Variants in MOSMO observed in about 807,000 individuals in gnomAD.
The protein encoded by MOSMO is modulator of smoothened, also known as modulator of smoothened protein.
A neutral mutation model predicts 18.4 loss-of-function variants in MOSMO; 5 were observed. That is an observed-to-expected ratio of 0.27 (90% CI 0.14 to 0.57). The LOEUF is 0.57. Among genes scored for constraint, MOSMO ranks in the 20% least tolerant of loss-of-function variants. The pLI is 0.92. For synonymous variants in MOSMO, 82 were observed against 82.3 expected (o/e 1.00, Z 0.02); for missense variants, 138 against 211.8 (o/e 0.65, Z 2.16).
chr16:22,031,329 TAATGA>T, intron 1 of MOSMO, among the ~76,000 whole-genome samples: 1 of 152,228 alleles, frequency 6.6e-6, no homozygotes. Context: ...TGAAGAGCTA[TAATGA>T]AATATAATTC....
intron 1 of MOSMO, among the ~76,000 whole-genome samples, chr16:22,072,302 T>TC (rs1242458387): frequency 6.6e-6 from 1 of 152,060 alleles, no homozygotes; most frequent in East Asian, 1.9e-4. Context: ...CCTTGCAAAT[T>TC]CCCCCAGTCA....
At chr16:22,016,371 C>T (rs1899637026) in intron 1 of MOSMO, among the ~76,000 whole-genome samples, 1 of 152,132 alleles carries the variant, frequency 6.6e-6, no homozygotes, top group Non-Finnish European at 1.5e-5. Flanking sequence ...CTCAAAACAT[C>T]TGGATTTTTA....
At chr16:22,062,042 C>T (rs1900654604) in intron 1 of MOSMO, among the ~76,000 whole-genome samples, 1 of 152,184 alleles carries the variant, frequency 6.6e-6, no homozygotes, top group Non-Finnish European at 1.5e-5. Context: ...ATTGAGGCAT[C>T]ACACTGATGG....
At chr16:22,017,968 T>C (rs920278153) in intron 1 of MOSMO, among the ~76,000 whole-genome samples, 12 of 152,188 alleles carry the variant, frequency 7.9e-5, no homozygotes, top group African/African-American at 2.9e-4. Flanking sequence ...ATGTATAGTT[T>C]GCTTAAGGGA....
chr16:22,044,415 C>T (rs1288789123), intron 1 of MOSMO, among the ~76,000 whole-genome samples: 1 of 152,184 alleles, frequency 6.6e-6, no homozygotes, highest in Non-Finnish European at 1.5e-5. Flanking sequence ...ATTTAATCTT[C>T]CTAAGAATCC....
intron 1 of MOSMO, among the ~76,000 whole-genome samples, chr16:22,019,127 A>C (rs1899701432): frequency 6.6e-6 from 1 of 152,136 alleles, no homozygotes; most frequent in African/African-American, 2.4e-5. Flanking sequence ...GCTCTTAACT[A>C]TTGCATGTGC....
chr16:22,042,219 C>T (rs912600082), intron 1 of MOSMO, among the ~76,000 whole-genome samples: 10 of 152,124 alleles, frequency 6.6e-5, no homozygotes, highest in Non-Finnish European at 1.2e-4. Context: ...CTGCAACAGT[C>T]AACAAAGGAT....
intron 2 of MOSMO, among the ~76,000 whole-genome samples, chr16:22,077,473 C>T (rs531918848): frequency 3.0e-4 from 46 of 152,206 alleles, no homozygotes; most frequent in Non-Finnish European, 5.9e-4. Flanking sequence ...ATATTTGGCC[C>T]TGTCACCCAG....
At chr16:22,039,642 G>A in intron 1 of MOSMO, among the ~76,000 whole-genome samples, 1 of 152,126 alleles carries the variant, frequency 6.6e-6, no homozygotes, top group Admixed American at 6.5e-5. Flanking sequence ...GACCAGCCTG[G>A]CCAACATAAT....
intron 1 of MOSMO, among the ~76,000 whole-genome samples, chr16:22,033,597 C>G (rs1463185070): frequency 6.6e-6 from 1 of 151,974 alleles, no homozygotes; most frequent in Non-Finnish European, 1.5e-5. Flanking sequence ...GCGGGCAGAT[C>G]ACGAGGTCAG....
rs903830252 is a variant in MOSMO, at chr16:22,081,816, A to T, written c.*936A>T. ...TTCAGTTTACCTCATTCTTTGTAGC[A>T]GCCCTTGATTTTAACAGGTTTTTGT... On this transcript the variant is annotated 3_prime_UTR_variant, in exon 3 of 3. Coordinates refer to ENST00000542527, the MANE Select transcript of MOSMO (RefSeq NM_001164579.2). 2.6e-5 allele frequency: 4 copies of T among 152,104 alleles called. No individual in the cohort carries two copies. Among genetic ancestry groups the T allele is most frequent in the Non-Finnish European group, 5.9e-5 (4 of 68,028 alleles). 9.4% of individuals were successfully genotyped at this position (152,104 alleles called of 1,614,324 possible).
rs998629469 is a variant in MOSMO, at chr16:22,028,083, T to A, written c.106+19676T>A. Among the ~76,000 whole-genome samples the A allele has an allele frequency of 3.3e-5, 5 of 152,208 alleles. No homozygotes were observed. The South Asian group carries it at 6.2e-4, about 19-fold the overall frequency. On this transcript the variant is annotated intron_variant, in intron 1 of 2. Transcript: ENST00000542527. Reference sequence around the variant, plus strand: ...CCATTTTGAAAAGATGTATGTCTTTTATCCAGAAGATGTAAAGTATATAGG... The same window carrying A: ...CCATTTTGAAAAGATGTATGTCTTTAATCCAGAAGATGTAAAGTATATAGG...
At position 22,083,673 on chromosome 16, in the gene MOSMO, T is replaced by C. The variant is rs758060311; in HGVS notation, c.*2793T>C. 1 of 454,280 alleles carries C rather than the reference T, an allele frequency of 2.2e-6. No homozygotes were observed. The highest frequency in any genetic ancestry group is 1.6e-5 in the South Asian group (1 of 63,742). 28.1% of individuals were successfully genotyped at this position (454,280 alleles called of 1,614,324 possible). ...AAACTTTTGTCTGTTTCATTGTTTT[T>C]AGAGTGTGTGCATTCTTCTCATACC... On this transcript the variant is annotated 3_prime_UTR_variant, in exon 3 of 3. Coordinates refer to ENST00000542527, the MANE Select transcript of MOSMO (RefSeq NM_001164579.2).
intron 1 of MOSMO, among the ~76,000 whole-genome samples, chr16:22,010,878 G>A (rs1198630670): frequency 1.3e-5 from 2 of 151,114 alleles, no homozygotes; most frequent in South Asian, 2.1e-4. Flanking sequence ...CCAAGATCAC[G>A]CTACTGCACT....
chr16:22,011,155 T>A (rs367588964), intron 1 of MOSMO, among the ~76,000 whole-genome samples: 8 of 152,166 alleles, frequency 5.3e-5, no homozygotes, highest in African/African-American at 1.4e-4. Flanking sequence ...TGATGCGTCG[T>A]GGAAGTTGAT....
chr16:22,081,348 A>G lies in MOSMO; in HGVS notation c.*468A>G, dbSNP rs1901076847. 6.6e-6 allele frequency: 1 copy of G among 152,136 alleles called. No individual in the cohort carries two copies. The highest frequency in any genetic ancestry group is 2.1e-4 in the South Asian group (1 of 4,836). 9.4% of individuals were successfully genotyped at this position (152,136 alleles called of 1,614,324 possible). A position where few individuals can be genotyped will look rare whatever the true frequency, so the allele number is the denominator to read the frequency against. On this transcript the variant is annotated 3_prime_UTR_variant, in exon 3 of 3. Coordinates refer to ENST00000542527, the MANE Select transcript of MOSMO (RefSeq NM_001164579.2). ...TGGGGCTGGCCTCACCTCCTAAGAA[A>G]TTAGTGTTCACAACTTCCTTGTAAT... is the stretch of plus-strand genomic sequence containing the variant.
At chr16:22,085,087 T>C (rs1476616938), downstream of MOSMO, 3 of 152,242 alleles carry the variant, frequency 2.0e-5, no homozygotes, top group Non-Finnish European at 4.4e-5. Flanking sequence ...TTTTAAAATC[T>C]TAAAGTATGG....
At chr16:22,008,556 G>C in intron 1 of MOSMO, 149 bp downstream of exon 1, 1 of 560,662 alleles carries the variant, frequency 1.8e-6, no homozygotes, top group Non-Finnish European at 3.1e-6. Flanking sequence ...CCCGGGCCGC[G>C]GAGGAAAGGG....
intron 1 of MOSMO, among the ~76,000 whole-genome samples, chr16:22,061,093 G>A (rs938578901): frequency 3.9e-5 from 6 of 152,090 alleles, no homozygotes; most frequent in African/African-American, 1.2e-4. Flanking sequence ...AATTCTACAA[G>A]AGGCAAAACT....
Sources: gnomAD v4.1 joint callset for allele counts (sites outside exome capture counted in the v4.1 genomes callset) on GRCh38, gnomAD v4.1.1 for gene constraint, MANE v1.5 for transcripts, NCBI Gene and HGNC (gene_info 2026-07-23, HGNC 2026-07-21) for gene names.